Variants in HS1BP3 observed in about 807,000 individuals in gnomAD.
The protein encoded by HS1BP3 is HCLS1 binding protein 3, also known as HCLS1-binding protein 3.
Under a neutral mutation model 33.5 loss-of-function variants are expected in HS1BP3, and 32 were observed. That is an observed-to-expected ratio of 0.95 (90% CI 0.72 to 1.28). The LOEUF is 1.28. Ranked by LOEUF, HS1BP3 falls within the 50% of genes most tolerant of loss-of-function variation. The probability of loss-of-function intolerance (pLI) is 0.00; values close to 1 mark genes in which losing one functional copy is unlikely to be tolerated. For missense variants in HS1BP3, 486 were observed against 502.3 expected, an observed-to-expected ratio of 0.97 and a Z score of 0.31; for synonymous variants, 187 against 209.2, an observed-to-expected ratio of 0.89 and a Z score of 0.92.
At chr2:20,607,935 G>A (rs1694233572) in intron 2 of HS1BP3, among the ~76,000 whole-genome samples, 1 of 152,132 alleles carries the variant, frequency 6.6e-6, no homozygotes, top group Non-Finnish European at 1.5e-5. Context: ...TTTCAGCGGT[G>A]TTACATAGTT....
intron 5 of HS1BP3, among the ~76,000 whole-genome samples, chr2:20,577,099 G>A (rs1693418952): frequency 6.6e-6 from 1 of 152,246 alleles, no homozygotes. Flanking sequence ...GAGTAAACAA[G>A]GGCTTGTCAC....
chr2:20,606,575 C>G (rs1391615917), intron 2 of HS1BP3: 4 of 496,136 alleles, frequency 8.1e-6, no homozygotes, highest in Non-Finnish European at 1.6e-5. Context: ...GGCCTTGTCC[C>G]CGGATTTGCT....
At chr2:20,569,032 G>T (rs2149271794) in intron 5 of HS1BP3, among the ~76,000 whole-genome samples, 1 of 152,280 alleles carries the variant, frequency 6.6e-6, no homozygotes, top group African/African-American at 2.4e-5. Flanking sequence ...GGGCACCAAT[G>T]AGCCCGGCAG....
At chr2:20,604,763 C>G (rs940894262) in intron 2 of HS1BP3, among the ~76,000 whole-genome samples, 6 of 152,272 alleles carry the variant, frequency 3.9e-5, no homozygotes, top group African/African-American at 1.4e-4. Context: ...TGCCAGAAGC[C>G]AAGCAGGTCG....
chr2:20,624,730 A>G lies in HS1BP3; in HGVS notation c.784+2T>C. Reference sequence around the variant, plus strand: ...AGGAGCAGACCATGGGGCTCTACTTACGGTCCACGGATGACACGTCCTCCG... The same window carrying G: ...AGGAGCAGACCATGGGGCTCTACTTGCGGTCCACGGATGACACGTCCTCCG... On this transcript the variant is annotated splice_donor_variant, in intron 5 of 6. Coordinates refer to ENST00000304031, the MANE Select transcript of HS1BP3 (RefSeq NM_022460.4). LOFTEE classifies it high-confidence loss of function. 1 of 1,588,792 alleles carries G rather than the reference A, an allele frequency of 6.3e-7. No homozygotes were observed. The highest frequency in any genetic ancestry group is 2.3e-5 in the East Asian group (1 of 44,316).
intron 5 of HS1BP3, among the ~76,000 whole-genome samples, chr2:20,575,365 G>A (rs1693373901): frequency 6.6e-6 from 1 of 152,212 alleles, no homozygotes; most frequent in Non-Finnish European, 1.5e-5. Flanking sequence ...GGAAGCCCTA[G>A]TCCAAAGCCT....
chr2:20,566,517 T>C lies in HS1BP3; in HGVS notation c.303-6002A>G, dbSNP rs375379397. On this transcript the variant is annotated intron_variant, in intron 5 of 5. Coordinates refer to the HS1BP3 transcript ENST00000446825. ...GCATCACTTGCTCACTCTGGCCACCTGCACTCTGGCTCTAGCTCTAGGCAC... is the reference window on the plus strand; with the variant it reads ...GCATCACTTGCTCACTCTGGCCACCCGCACTCTGGCTCTAGCTCTAGGCAC... Among the ~76,000 whole-genome samples the C allele has an allele frequency of 7.9e-5, 12 of 152,186 alleles. No homozygotes were observed. The East Asian group carries it at 2.1e-3, about 27-fold the overall frequency.
intron 4 of HS1BP3, among the ~76,000 whole-genome samples, chr2:20,630,085 A>G (rs1694924744): frequency 6.6e-6 from 1 of 152,250 alleles, no homozygotes; most frequent in African/African-American, 2.4e-5. Context: ...GGGTCTGAAC[A>G]GAAGACTGCT....
intron 4 of HS1BP3, among the ~76,000 whole-genome samples, chr2:20,633,003 T>G (rs529108838): frequency 1.1e-3 from 171 of 152,362 alleles, no homozygotes; most frequent in Admixed American, 2.6e-3. Context: ...AGTGATAACA[T>G]TTTACAAAGG....
chr2:20,617,280 G>A (rs928381210), downstream of HS1BP3, among the ~76,000 whole-genome samples: 87 of 152,196 alleles, frequency 5.7e-4, no homozygotes, highest in Non-Finnish European at 7.3e-5. Context: ...TGCAGGGCCC[G>A]GGGCTGAGTG....
At chr2:20,607,108 AT>A (rs926335510) in intron 2 of HS1BP3, among the ~76,000 whole-genome samples, 1 of 150,554 alleles carries the variant, frequency 6.6e-6, no homozygotes, top group African/African-American at 2.5e-5. Flanking sequence ...TAGGTCTTTG[AT>A]TTATGTTGAG....
intron 5 of HS1BP3, among the ~76,000 whole-genome samples, chr2:20,563,415 C>T (rs1425086726): frequency 6.6e-6 from 1 of 152,200 alleles, no homozygotes; most frequent in Non-Finnish European, 1.5e-5. Flanking sequence ...TCAGGTTAGA[C>T]CCCCAGCAAT....
chr2:20,557,613 T>C (rs528584408), downstream of HS1BP3, among the ~76,000 whole-genome samples: 12 of 152,152 alleles, frequency 7.9e-5, no homozygotes, highest in African/African-American at 2.9e-4. Flanking sequence ...CTATCAGGAG[T>C]GGAAAGCTCC....
At chr2:20,644,012 C>A (rs903467134) in intron 2 of HS1BP3, among the ~76,000 whole-genome samples, 1 of 152,170 alleles carries the variant, frequency 6.6e-6, no homozygotes, top group African/African-American at 2.4e-5. Flanking sequence ...AAAGATGCAA[C>A]TCATCGTTTC....
intron 5 of HS1BP3, among the ~76,000 whole-genome samples, 199 bp downstream of exon 5, chr2:20,624,533 C>T (rs555269881): frequency 6.6e-6 from 1 of 152,336 alleles, no homozygotes; most frequent in African/African-American, 2.4e-5. Context: ...TATCGCTTAC[C>T]ACACAAACAG....
At chr2:20,568,722 C>T (rs1693195141) in intron 5 of HS1BP3, among the ~76,000 whole-genome samples, 3 of 152,166 alleles carry the variant, frequency 2.0e-5, no homozygotes, top group African/African-American at 7.2e-5. Context: ...TCCACACTCA[C>T]CGTGATAGGC....
chr2:20,575,566 G>A (rs1163693317), intron 5 of HS1BP3, among the ~76,000 whole-genome samples: 1 of 152,236 alleles, frequency 6.6e-6, no homozygotes, highest in Non-Finnish European at 1.5e-5. Context: ...CCCTCTTGCA[G>A]CATCCCTGGA....
At chr2:20,604,497 C>T (rs754375448) in intron 2 of HS1BP3, among the ~76,000 whole-genome samples, 54 of 152,334 alleles carry the variant, frequency 3.5e-4, no homozygotes, top group Non-Finnish European at 6.8e-4. Flanking sequence ...GGCCTCTCAG[C>T]CCAATTCTCT....
intron 5 of HS1BP3, among the ~76,000 whole-genome samples, chr2:20,570,230 C>T (rs1033858350): frequency 5.3e-5 from 8 of 152,132 alleles, no homozygotes; most frequent in African/African-American, 4.8e-5. Flanking sequence ...TATGGAGTCC[C>T]GCTTCTGTTT....
Sources: gnomAD v4.1 joint callset for allele counts (sites outside exome capture counted in the v4.1 genomes callset) on GRCh38, gnomAD v4.1.1 for gene constraint, MANE v1.5 for transcripts, NCBI Gene and HGNC (gene_info 2026-07-23, HGNC 2026-07-21) for gene names.